NDUFB6: variants seen among roughly 807,000 people sequenced by gnomAD.
The protein encoded by NDUFB6 is NADH:ubiquinone oxidoreductase subunit B6.
NDUFB6 carries 23 observed loss-of-function variants against 17.5 expected under a neutral mutation model. That is an observed-to-expected ratio of 1.31 (90% CI 0.94 to 1.86). The LOEUF (loss-of-function observed/expected upper bound fraction) is 1.86. Ranked by LOEUF, NDUFB6 falls within the 40% of genes most tolerant of loss-of-function variation. NDUFB6 has a pLI of 0.00. For missense variants in NDUFB6, 167 were observed against 153.8 expected, an observed-to-expected ratio of 1.09 and a Z score of -0.46; for synonymous variants, 60 against 53.5, an observed-to-expected ratio of 1.12 and a Z score of -0.53.
rs764865182 is a variant in NDUFB6, at chr9:32,572,914, T to C, written c.147A>G (p.Lys49=). 4 of 1,604,390 alleles carry C rather than the reference T, an allele frequency of 2.5e-6. No homozygotes were observed. The Admixed American group carries it at 5.1e-5, about 21-fold the overall frequency. The change falls in exon 1 of 4, where the codon AAA becomes AAG. Residue 49 remains lysine, a synonymous_variant. Transcript: ENST00000379847. ...TCCAAGGGGATTTATTCTCCAAAAA[T>C]TTATTCCAGAATTTCTCCATAGGCC... The part of the protein sequence containing the change: ...KMGPMEKFWN[K]FLENKSPWRK...
At chr9:32,567,450 T>A (rs1483793298) in intron 2 of NDUFB6, 4 of 450,740 alleles carry the variant, frequency 8.9e-6, no homozygotes, top group African/African-American at 2.0e-5. Context: ...TGCCTCAGCC[T>A]CCCCAGTAGC....
At chr9:32,566,510 A>G (rs1821794341) in intron 2 of NDUFB6, 1 of 774,238 alleles carries the variant, frequency 1.3e-6, no homozygotes, top group Admixed American at 1.8e-5. Flanking sequence ...TCCGGTGTGC[A>G]GAGACGGCTG....
rs2307671 is a variant in NDUFB6, at chr9:32,566,853, GGCGGCCTGGATGAGCCACGCGT to G, written c.273+4085_273+4106del. 12,618 of 807,826 alleles carry G rather than the reference GGCGGCCTGGATGAGCCACGCGT, an allele frequency of 0.016. 1,105 individuals are homozygous for G. The African/African-American group carries it at 0.19, about 12-fold the overall frequency. The allele number at this position is 807,826 out of a possible 1,614,324, so 50.0% of individuals were successfully genotyped here. ...CCTGCTCATCACACAGTAGCTGCCG[GGCGGCCTGGATGAGCCACGCGT>G]GCGGCTGGCGAAAAGCACTGAGGAA... On this transcript the variant is annotated intron_variant, in intron 2 of 3. Transcript: ENST00000379847.
chr9:32,563,458 G>A (rs1053638314), intron 2 of NDUFB6, among the ~76,000 whole-genome samples: 1 of 145,528 alleles, frequency 6.9e-6, no homozygotes, highest in African/African-American at 2.6e-5. Flanking sequence ...CGATCCTCCT[G>A]CTTCAGCCTC....
Position 32,553,265 on chromosome 9 carries a change from T to C in NDUFB6, c.*611A>G. On this transcript the variant is annotated 3_prime_UTR_variant, in exon 4 of 4. Coordinates refer to ENST00000379847, the MANE Select transcript of NDUFB6 (RefSeq NM_002493.5). The stretch of plus-strand genomic sequence containing the variant: ...GCTCAGTGGCACTATCTCGGCTTAC[T>C]GCAAGCTCCGCCTTCTGGGTTCACA... The C allele has an allele frequency of 5.1e-6, 1 of 194,240 alleles. No homozygotes were observed. The highest frequency in any genetic ancestry group is 2.4e-5 in the African/African-American group (1 of 42,136). 12.0% of individuals were successfully genotyped at this position (194,240 alleles called of 1,614,324 possible).
At chr9:32,557,008 T>A (rs1202937646) in intron 3 of NDUFB6, among the ~76,000 whole-genome samples, 1 of 142,608 alleles carries the variant, frequency 7.0e-6, no homozygotes, top group Non-Finnish European at 1.5e-5. Context: ...TGCACCACCA[T>A]GCCCAGCTAA....
chr9:32,556,313 T>C (rs1008192877), intron 3 of NDUFB6, among the ~76,000 whole-genome samples: 2 of 152,210 alleles, frequency 1.3e-5, no homozygotes, highest in Non-Finnish European at 2.9e-5. Flanking sequence ...GCAGAAGTGA[T>C]GTAAGCTACT....
chr9:32,562,779 T>C (rs1037688773), intron 2 of NDUFB6, among the ~76,000 whole-genome samples: 6 of 152,216 alleles, frequency 3.9e-5, no homozygotes, highest in African/African-American at 1.4e-4. Flanking sequence ...ATCTTCTCAA[T>C]TGTCTCAATA....
At chr9:32,570,686 A>G (rs1050339364) in intron 2 of NDUFB6, among the ~76,000 whole-genome samples, 1 of 152,184 alleles carries the variant, frequency 6.6e-6, no homozygotes, top group Admixed American at 6.5e-5. Context: ...CATGACTCCA[A>G]ATTTACCCTA....
chr9:32,572,868 G>A lies in NDUFB6; in HGVS notation c.180+13C>T, dbSNP rs774319015. On this transcript the variant is annotated intron_variant, in intron 1 of 3. Transcript: ENST00000379847. The stretch of plus-strand genomic sequence containing the variant: ...GGATGTGTTGGGGGGGACCGGAGAG[G>A]TCTGTCACTCACCATTTTCCTCCAA... 7 of 1,560,978 alleles carry A rather than the reference G, an allele frequency of 4.5e-6. No homozygotes were observed. The East Asian group carries it at 1.4e-4, about 31-fold the overall frequency.
chr9:32,563,491 C>CTTTTTTTTTTTTT (rs111646430), intron 2 of NDUFB6, among the ~76,000 whole-genome samples: 21,520 of 87,532 alleles, frequency 0.25, 4,015 homozygotes, highest in Non-Finnish European at 0.31. Flanking sequence ...GACTATTGGG[C>CTTTTTTTTTTTTT]TTTTTTTTTT....
chr9:32,558,987 G>C, intron 2 of NDUFB6, 33 bp from the exon 3 acceptor site: 1 of 1,462,066 alleles, frequency 6.8e-7, no homozygotes, highest in Non-Finnish European at 9.4e-7. Flanking sequence ...GTTAATTATG[G>C]TGTTAAGAGT....
chr9:32,567,438 C>T (rs1277845712), intron 2 of NDUFB6: 3 of 453,800 alleles, frequency 6.6e-6, no homozygotes, highest in African/African-American at 6.0e-5. Context: ...AAGGGATTCT[C>T]CTGCCTCAGC....
At chr9:32,563,491 CT>C (rs111646430) in intron 2 of NDUFB6, among the ~76,000 whole-genome samples, 129 of 91,910 alleles carry the variant, frequency 1.4e-3, no homozygotes, top group Middle Eastern at 0.017. Context: ...GACTATTGGG[CT>C]TTTTTTTTTT....
intron 2 of NDUFB6, among the ~76,000 whole-genome samples, chr9:32,570,011 T>A (rs1268124167): frequency 6.6e-6 from 1 of 152,164 alleles, no homozygotes; most frequent in African/African-American, 2.4e-5. Flanking sequence ...TTCTGAAATA[T>A]CTCTGAGGTA....
In NDUFB6 at chr9:32,573,142, A is replaced by C; in HGVS notation, c.-82T>G. 7.2e-7 allele frequency: 1 copy of C among 1,396,838 alleles called. No homozygotes were observed. The highest frequency in any genetic ancestry group is 9.4e-7 in the Non-Finnish European group (1 of 1,062,926). 86.5% of individuals were successfully genotyped at this position (1,396,838 alleles called of 1,614,324 possible). A position where few individuals can be genotyped will look rare whatever the true frequency, so the allele number is the denominator to read the frequency against. On this transcript the variant is annotated 5_prime_UTR_variant, in exon 1 of 4. Transcript: ENST00000379847. Reference sequence around the variant, plus strand: ...TACTTAAGCGCGCTCCCGCTCTGCAAAGCGACCTTGCGGGAACGCCGAGCG... The same window carrying C: ...TACTTAAGCGCGCTCCCGCTCTGCACAGCGACCTTGCGGGAACGCCGAGCG...
intron 2 of NDUFB6, among the ~76,000 whole-genome samples, chr9:32,563,999 T>C (rs774977696): frequency 6.6e-5 from 10 of 152,186 alleles, no homozygotes; most frequent in Admixed American, 1.3e-4. Flanking sequence ...TGGCCACTGC[T>C]CTGAGCTCTG....
At position 32,553,673 on chromosome 9, in the gene NDUFB6, AG is replaced by A; in HGVS notation, c.*202del. 2 of 519,326 alleles carry A rather than the reference AG, an allele frequency of 3.9e-6. No individual in the cohort carries two copies. The highest frequency in any genetic ancestry group is 6.9e-6 in the Non-Finnish European group (2 of 291,800). 32.2% of individuals were successfully genotyped at this position (519,326 alleles called of 1,614,324 possible). ...CAAGTCAAGAATGACCAGAAAAAGT[AG>A]GTAGTCTCTCATATTTGTTTAGCAT... On this transcript the variant is annotated 3_prime_UTR_variant, in exon 4 of 4. Transcript: ENST00000379847.
chr9:32,563,208 A>G (rs949140674), intron 2 of NDUFB6, among the ~76,000 whole-genome samples: 1 of 152,246 alleles, frequency 6.6e-6, no homozygotes, highest in Non-Finnish European at 1.5e-5. Context: ...ATGTTAATTT[A>G]GACCCCTTGA....
Sources: allele counts gnomAD v4.1 joint callset (sites outside exome capture counted in the v4.1 genomes callset), GRCh38; gene constraint gnomAD v4.1.1; transcripts MANE v1.5; gene names NCBI Gene and HGNC (gene_info 2026-07-23, HGNC 2026-07-21).